TAFA2: variants seen among roughly 807,000 people sequenced by gnomAD.
The protein encoded by TAFA2 is TAFA chemokine like family member 2.
TAFA2 carries 7 observed loss-of-function variants against 18.8 expected under a neutral mutation model. The ratio of observed to expected loss-of-function variants is 0.37; its 90% CI spans 0.21 to 0.70. TAFA2 has a LOEUF of 0.70. Among genes scored for constraint, TAFA2 ranks in the 30% least tolerant of loss-of-function variants. The pLI, the probability that TAFA2 is intolerant of heterozygous loss-of-function variation, is 0.53. For missense variants in TAFA2, 122 were observed against 158.1 expected, an observed-to-expected ratio of 0.77 and a Z score of 1.23; for synonymous variants, 60 against 54.2, an observed-to-expected ratio of 1.11 and a Z score of -0.47.
intron 2 of TAFA2, among the ~76,000 whole-genome samples, chr12:61,783,102 G>A (rs1870576387): frequency 6.6e-6 from 1 of 151,678 alleles, no homozygotes; most frequent in Middle Eastern, 3.4e-3. Context: ...TCAATAAGTT[G>A]TTTGAAAACT....
chr12:62,021,261 T>C (rs1881125476), intron 1 of TAFA2, among the ~76,000 whole-genome samples: 1 of 152,174 alleles, frequency 6.6e-6, no homozygotes, highest in Admixed American at 6.5e-5. Flanking sequence ...GGACTCTAAA[T>C]AAGGAAAGGC....
intron 1 of TAFA2, among the ~76,000 whole-genome samples, chr12:62,211,849 AC>A (rs2062715682): frequency 6.6e-6 from 1 of 152,212 alleles, no homozygotes; most frequent in African/African-American, 2.4e-5. Context: ...TCATATATGT[AC>A]TTGAGTTATT....
chr12:61,991,860 C>T lies in TAFA2; in HGVS notation c.-1-124434G>A, dbSNP rs147818991. ...GCCCAACTGTCATTTCTCAAGGCTC[C>T]TTATACTCATCTATTCAGCAGAATT... is the stretch of plus-strand genomic sequence containing the variant. On this transcript the variant is annotated intron_variant, in intron 1 of 4. Coordinates refer to ENST00000416284, the MANE Select transcript of TAFA2 (RefSeq NM_178539.5). Among the ~76,000 whole-genome samples, 119 of 152,248 alleles carry T rather than the reference C, an allele frequency of 7.8e-4. 1 individual carries two copies. Among genetic ancestry groups the T allele is most frequent in the South Asian group, 6.8e-3 (33 of 4,824 alleles).
At chr12:62,194,896 G>A (rs1365983888), upstream of TAFA2, among the ~76,000 whole-genome samples, 1 of 152,152 alleles carries the variant, frequency 6.6e-6, no homozygotes, top group Non-Finnish European at 1.5e-5. Flanking sequence ...CATTAGGTAT[G>A]CAATAGCATT....
At position 61,752,535 on chromosome 12, in the gene TAFA2, C is replaced by A. The variant is rs76258606; in HGVS notation, c.384+1087G>T. Among the ~76,000 whole-genome samples the A allele has an allele frequency of 5.6e-3, 855 of 152,066 alleles. 3 individuals are homozygous for A. The highest frequency in any genetic ancestry group is 0.022 in the South Asian group (106 of 4,828). On this transcript the variant is annotated intron_variant, in intron 4 of 4. Transcript: ENST00000416284. ...AATATAATTATCCTAACTAATTGAT[C>A]ATGCATCCAATGGGTTTTGAAAAGG...
chr12:62,021,494 TGTACAA>T, intron 1 of TAFA2: 6 of 650,946 alleles, frequency 9.2e-6, no homozygotes, highest in Admixed American at 4.5e-5. Context: ...TTTCTGTCTT[TGTACAA>T]TATTTTATTA....
intron 2 of TAFA2, chr12:61,776,112 T>C (rs147292074): frequency 1.8e-5 from 8 of 433,946 alleles, no homozygotes; most frequent in African/African-American, 1.2e-4. Flanking sequence ...TGGAAGAGTC[T>C]ACAATGTTAC....
chr12:61,914,611 G>C (rs372601341), intron 1 of TAFA2, among the ~76,000 whole-genome samples: 53 of 152,264 alleles, frequency 3.5e-4, no homozygotes, highest in African/African-American at 1.2e-3. Flanking sequence ...TCCTTCAGAA[G>C]AGAGTTCCAA....
intron 4 of TAFA2, among the ~76,000 whole-genome samples, chr12:61,710,759 C>A (rs1869363548): frequency 6.6e-6 from 1 of 151,960 alleles, no homozygotes; most frequent in Admixed American, 6.6e-5. Flanking sequence ...GTAGCCATAA[C>A]CCAAATATCA....
intron 1 of TAFA2, among the ~76,000 whole-genome samples, chr12:62,229,430 T>A (rs1181635312): frequency 6.6e-6 from 1 of 152,138 alleles, no homozygotes. Context: ...CATAAAGGGA[T>A]GTTGAATATT....
At chr12:62,241,103 G>A (rs2062861041) in intron 1 of TAFA2, among the ~76,000 whole-genome samples, 1 of 152,144 alleles carries the variant, frequency 6.6e-6, no homozygotes, top group South Asian at 2.1e-4. Flanking sequence ...GAGGAAGTAT[G>A]TCTGATTTCG....
intron 1 of TAFA2, among the ~76,000 whole-genome samples, chr12:62,061,682 T>C (rs1392985079): frequency 6.6e-6 from 1 of 152,238 alleles, no homozygotes; most frequent in Non-Finnish European, 1.5e-5. Flanking sequence ...GGTGCAAGAA[T>C]TAATTTTGGA....
intron 2 of TAFA2, among the ~76,000 whole-genome samples, chr12:61,814,113 G>T (rs1450262137): frequency 6.6e-6 from 1 of 151,388 alleles, no homozygotes; most frequent in Non-Finnish European, 1.5e-5. Flanking sequence ...AATAAATGCA[G>T]TAATAATATC....
At chr12:62,257,214 CCACT>C (rs2062945150) in intron 1 of TAFA2, among the ~76,000 whole-genome samples, 1 of 119,474 alleles carries the variant, frequency 8.4e-6, no homozygotes, top group African/African-American at 3.4e-5. Context: ...TTTGCTAAGT[CCACT>C]CAAATTTTAG....
intron 1 of TAFA2, among the ~76,000 whole-genome samples, chr12:62,144,175 A>G (rs2062261945): frequency 6.6e-6 from 1 of 152,116 alleles, no homozygotes; most frequent in South Asian, 2.1e-4. Flanking sequence ...GTTCTTAAGT[A>G]AGATCTGTGT....
chr12:61,918,658 T>C (rs1190503117), intron 1 of TAFA2, among the ~76,000 whole-genome samples: 1 of 152,194 alleles, frequency 6.6e-6, no homozygotes, highest in Non-Finnish European at 1.5e-5. Context: ...TACCTTTATT[T>C]TGGGTATATA....
chr12:62,095,935 T>G (rs1356993305), intron 1 of TAFA2, among the ~76,000 whole-genome samples: 2 of 152,118 alleles, frequency 1.3e-5, no homozygotes, highest in African/African-American at 4.8e-5. Context: ...GAGCCAGTTT[T>G]GCAGAACTTC....
intron 1 of TAFA2, among the ~76,000 whole-genome samples, chr12:62,232,591 G>A (rs924700158): frequency 2.6e-5 from 4 of 151,914 alleles, no homozygotes; most frequent in Non-Finnish European, 1.5e-5. Flanking sequence ...TCAGCTCACT[G>A]CAACCTGTCC....
chr12:62,052,067 C>T (rs1267963891), intron 1 of TAFA2, among the ~76,000 whole-genome samples: 1 of 152,174 alleles, frequency 6.6e-6, no homozygotes, highest in African/African-American at 2.4e-5. Flanking sequence ...TAGTTTTCCA[C>T]TCCAACTCCA....
Sources: gnomAD v4.1 joint callset for allele counts (sites outside exome capture counted in the v4.1 genomes callset) on GRCh38, gnomAD v4.1.1 for gene constraint, MANE v1.5 for transcripts, NCBI Gene and HGNC (gene_info 2026-07-23, HGNC 2026-07-21) for gene names.